NBAS: variants seen among roughly 807,000 people sequenced by gnomAD.
NBAS encodes the protein NBAS subunit of NRZ tethering complex, also known as NAG/BC035112 fusion.
NBAS carries 219 observed loss-of-function variants against 302.5 expected under a neutral mutation model. That is an observed-to-expected ratio of 0.72 (90% CI 0.65 to 0.81). NBAS has a LOEUF of 0.81. NBAS is among the 30% of genes least tolerant of loss of function. The pLI, the probability that NBAS is intolerant of heterozygous loss-of-function variation, is 0.00. For missense variants in NBAS, 2,932 were observed against 2,841.6 expected, an observed-to-expected ratio of 1.03 and a Z score of -0.72; for synonymous variants, 1,118 against 1,021.6, an observed-to-expected ratio of 1.09 and a Z score of -1.80.
chr2:15,288,471 C>T (rs564979118), intron 41 of NBAS, among the ~76,000 whole-genome samples: 5 of 152,206 alleles, frequency 3.3e-5, no homozygotes, highest in South Asian at 2.1e-4. Flanking sequence ...AGAGAGAAAG[C>T]GAAGGTCAAA....
the NBAS span, among the ~76,000 whole-genome samples, chr2:14,998,355 G>A: frequency 2.0e-5 from 3 of 152,182 alleles, no homozygotes; most frequent in Non-Finnish European, 2.9e-5. Flanking sequence ...CTAAGCCCAC[G>A]GGTCTCCTGC....
the NBAS span, among the ~76,000 whole-genome samples, chr2:15,054,075 A>G: frequency 2.0e-5 from 3 of 151,868 alleles, no homozygotes; most frequent in Non-Finnish European, 2.9e-5. Context: ...TCCAAACAGG[A>G]CTCTTCAGTT....
chr2:14,832,944 A>G, the NBAS span, among the ~76,000 whole-genome samples: 1 of 152,146 alleles, frequency 6.6e-6, no homozygotes, highest in African/African-American at 2.4e-5. Flanking sequence ...TTGGATAGTT[A>G]TGACTCCCAT....
rs369691624 is a variant in NBAS at position 15,167,164 on chromosome 2, G to T, written c.7000C>A (p.Leu2334Met). The T allele has an allele frequency of 9.3e-6, 15 of 1,614,268 alleles. No homozygotes were observed. The highest frequency in any genetic ancestry group is 1.6e-4 in the Middle Eastern group (1 of 6,062). ...RWDAEELGRH[L>M]REAGHEAEAG... ...TCGGCTTCATGGCCGGCCTCCCGCA[G>T]GTGTCTGCCCAGCTCCTCTGCATCC... is the stretch of plus-strand genomic sequence containing the variant. Residue 2334 changes from leucine (L) to methionine (M), a missense_variant, in exon 52 of 52, where the codon CTG (leucine) becomes ATG (methionine). Coordinates refer to ENST00000281513, the MANE Select transcript of NBAS (RefSeq NM_015909.4).
At chr2:15,093,812 AT>A in the NBAS span, among the ~76,000 whole-genome samples, 210 of 152,296 alleles carry the variant, frequency 1.4e-3, no homozygotes, top group Non-Finnish European at 2.7e-3. Context: ...AAGCCTGGCT[AT>A]TTTTTTAAGC....
chr2:15,416,642 T>C (rs1013828901), intron 24 of NBAS, among the ~76,000 whole-genome samples: 5 of 151,216 alleles, frequency 3.3e-5, no homozygotes, highest in African/African-American at 1.2e-4. Context: ...CCTATCTCTA[T>C]TAAAAATGCA....
intron 42 of NBAS, 93 bp downstream of exon 42, chr2:15,286,980 T>C: frequency 9.3e-7 from 1 of 1,077,818 alleles, no homozygotes; most frequent in Non-Finnish European, 1.4e-6. Flanking sequence ...AAAGGAAAAC[T>C]AAAATTGTAC....
intron 28 of NBAS, chr2:15,393,789 C>T (rs1012618693): frequency 6.7e-5 from 31 of 461,866 alleles, no homozygotes; most frequent in African/African-American, 5.7e-4. Flanking sequence ...ACTACTGATT[C>T]ATGACACAAC....
At chr2:15,123,440 G>A in the NBAS span, among the ~76,000 whole-genome samples, 1 of 152,130 alleles carries the variant, frequency 6.6e-6, no homozygotes, top group Non-Finnish European at 1.5e-5. Context: ...AATCTCATGT[G>A]GAGTAACCCC....
chr2:14,908,588 C>A, the NBAS span, among the ~76,000 whole-genome samples: 1 of 152,212 alleles, frequency 6.6e-6, no homozygotes, highest in South Asian at 2.1e-4. Flanking sequence ...TCTTGCCCTG[C>A]AGTTCCTTCC....
At chr2:15,285,322 C>T (rs916866572) in intron 42 of NBAS, among the ~76,000 whole-genome samples, 1 of 152,204 alleles carries the variant, frequency 6.6e-6, no homozygotes, top group African/African-American at 2.4e-5. Flanking sequence ...TCTTTAAACT[C>T]TTTCTTCCCA....
chr2:15,182,793 C>T (rs556727285), intron 50 of NBAS, among the ~76,000 whole-genome samples: 1 of 152,142 alleles, frequency 6.6e-6, no homozygotes, highest in Non-Finnish European at 1.5e-5. Context: ...AGTCACTCAT[C>T]CTGCTGGTAA....
rs536748466 is a variant in NBAS at position 15,529,538 on chromosome 2, C to T, written c.746+5005G>A. On this transcript the variant is annotated intron_variant, in intron 9 of 51. Coordinates refer to ENST00000281513, the MANE Select transcript of NBAS (RefSeq NM_015909.4). ...CCAAAAAATCAAGCTGAACTAAACC[C>T]AAAAAGACTTTAAAGGAAGAAACCT... Among the ~76,000 whole-genome samples the T allele has an allele frequency of 5.7e-4, 87 of 152,072 alleles. No homozygotes were observed. In the South Asian group the frequency reaches 0.018, roughly 31 times the overall value.
chr2:15,144,729 T>C, the NBAS span, among the ~76,000 whole-genome samples: 1 of 152,204 alleles, frequency 6.6e-6, no homozygotes, highest in African/African-American at 2.4e-5. Context: ...CGCAGTCAGC[T>C]CTGGGTTCAA....
chr2:15,211,881 G>C (rs1227283924), intron 48 of NBAS, among the ~76,000 whole-genome samples: 3 of 152,100 alleles, frequency 2.0e-5, no homozygotes, highest in Non-Finnish European at 4.4e-5. Flanking sequence ...TGTGTGAAGG[G>C]GATAAACAGA....
chr2:15,490,366 T>C (rs1283936595), intron 11 of NBAS, among the ~76,000 whole-genome samples: 1 of 152,104 alleles, frequency 6.6e-6, no homozygotes, highest in Admixed American at 6.5e-5. Context: ...TAACTAGATA[T>C]AACAGGTTAA....
the NBAS span, among the ~76,000 whole-genome samples, chr2:15,071,183 G>T: frequency 6.6e-6 from 1 of 152,168 alleles, no homozygotes. Flanking sequence ...TAAGACTAAC[G>T]CTTGAAACCA....
intron 32 of NBAS, among the ~76,000 whole-genome samples, chr2:15,358,488 A>C (rs1443695940): frequency 6.6e-6 from 1 of 152,154 alleles, no homozygotes; most frequent in East Asian, 1.9e-4. Context: ...TCCGTTGCCC[A>C]AGCTGGAGTG....
chr2:15,359,788 A>T (rs923919282), intron 32 of NBAS, among the ~76,000 whole-genome samples: 3 of 152,212 alleles, frequency 2.0e-5, no homozygotes, highest in Admixed American at 2.0e-4. Flanking sequence ...TGGATGCTCA[A>T]TACCCAGCAT....
Sources: gnomAD v4.1 joint callset for allele counts (sites outside exome capture counted in the v4.1 genomes callset) on GRCh38, gnomAD v4.1.1 for gene constraint, MANE v1.5 for transcripts, NCBI Gene and HGNC (gene_info 2026-07-23, HGNC 2026-07-21) for gene names.